Variants in DNAJC17 observed in about 807,000 individuals in gnomAD.
The protein encoded by DNAJC17 is DnaJ heat shock protein family (Hsp40) member C17.
DNAJC17 carries 35 observed loss-of-function variants against 48.1 expected under a neutral mutation model. That is an observed-to-expected ratio of 0.73 (90% CI 0.56 to 0.96). The LOEUF (loss-of-function observed/expected upper bound fraction) is 0.96, where lower values mean the gene tolerates loss of function less well. Among genes scored for constraint, DNAJC17 ranks in the 50% least tolerant of loss-of-function variants. The probability of loss-of-function intolerance (pLI) is 0.00; values close to 1 mark genes in which losing one functional copy is unlikely to be tolerated. For missense variants in DNAJC17, 355 were observed against 377.1 expected (o/e 0.94, Z 0.48); for synonymous variants, 117 against 142.7 (o/e 0.82, Z 1.28).
At chr15:40,772,926 C>T (rs1182762342) in intron 10 of DNAJC17, among the ~76,000 whole-genome samples, 1 of 152,090 alleles carries the variant, frequency 6.6e-6, no homozygotes, top group African/African-American at 2.4e-5. Flanking sequence ...GGGCAGGCAC[C>T]ACCCCGTGTC....
chr15:40,790,196 T>C (rs1161910853), intron 1 of DNAJC17, among the ~76,000 whole-genome samples: 1 of 152,152 alleles, frequency 6.6e-6, no homozygotes, highest in Non-Finnish European at 1.5e-5. Context: ...TGCGAGACTC[T>C]CTGGGGCCCA....
intron 1 of DNAJC17, among the ~76,000 whole-genome samples, chr15:40,799,848 C>T (rs1890033021): frequency 1.3e-5 from 2 of 152,062 alleles, no homozygotes; most frequent in Non-Finnish European, 2.9e-5. Flanking sequence ...CTCTCTCTCT[C>T]TTTTTACTTT....
chr15:40,770,733 C>T lies in DNAJC17; in HGVS notation c.793-2671G>A. The T allele has an allele frequency of 1.9e-6, 3 of 1,545,604 alleles. No homozygotes were observed. Among genetic ancestry groups the T allele is most frequent in the South Asian group, 1.2e-5 (1 of 84,060 alleles). The stretch of plus-strand genomic sequence containing the variant: ...GCCCCGGGCCACCCTGCTGGCCCCA[C>T]CCAAGCCCCCACGCCTCTACCGAGA... On this transcript the variant is annotated intron_variant, in intron 10 of 10. Coordinates refer to ENST00000220496, the MANE Select transcript of DNAJC17 (RefSeq NM_018163.3). The surrounding 1 kb of genome is among the most constrained non-coding windows in gnomAD (Gnocchi z 5.0).
rs1189516698 is a variant in DNAJC17, at chr15:40,767,600, A to G, written c.*340T>C. ...CGGGCCTGGGCCGAGGGCCTTGTGTAGGCCATGTTCCTCGGGCAGCTGCCC... is the reference window on the plus strand; with the variant it reads ...CGGGCCTGGGCCGAGGGCCTTGTGTGGGCCATGTTCCTCGGGCAGCTGCCC... On this transcript the variant is annotated 3_prime_UTR_variant, in exon 11 of 11. Coordinates refer to ENST00000220496, the MANE Select transcript of DNAJC17 (RefSeq NM_018163.3). 3.4e-6 allele frequency: 2 copies of G among 587,994 alleles called. No individual in the cohort carries two copies. Among genetic ancestry groups the G allele is most frequent in the Non-Finnish European group, 5.7e-6 (2 of 348,826 alleles). 36.4% of individuals were successfully genotyped at this position (587,994 alleles called of 1,614,324 possible). A position where few individuals can be genotyped will look rare whatever the true frequency, so the allele number is the denominator to read the frequency against.
chr15:40,783,361 G>A (rs1403589859), intron 1 of DNAJC17, among the ~76,000 whole-genome samples: 1 of 151,862 alleles, frequency 6.6e-6, no homozygotes, highest in Non-Finnish European at 1.5e-5. Context: ...CCTGGCCTCT[G>A]GGCCCCTCCT....
chr15:40,800,400 A>G (rs895347713), intron 1 of DNAJC17, among the ~76,000 whole-genome samples: 8 of 152,026 alleles, frequency 5.3e-5, no homozygotes, highest in African/African-American at 1.9e-4. Context: ...TTACCTAATG[A>G]CTAGTGAAGT....
In DNAJC17 at chr15:40,766,023, G is replaced by C. The variant is rs1360675514; in HGVS notation, c.*1917C>G. The C allele has an allele frequency of 1.9e-6, 1 of 522,546 alleles. No individual in the cohort carries two copies. Among genetic ancestry groups the C allele is most frequent in the Non-Finnish European group, 3.4e-6 (1 of 296,998 alleles). 32.4% of individuals were successfully genotyped at this position (522,546 alleles called of 1,614,324 possible). On this transcript the variant is annotated 3_prime_UTR_variant, in exon 11 of 11. Coordinates refer to ENST00000220496, the MANE Select transcript of DNAJC17 (RefSeq NM_018163.3). ...AGCCCAGGGACAGGGCCCAGCATCAGAGCCCCCTGCCTGCATCCTGGGGCT... is the reference window on the plus strand; with the variant it reads ...AGCCCAGGGACAGGGCCCAGCATCACAGCCCCCTGCCTGCATCCTGGGGCT...
intron 1 of DNAJC17, among the ~76,000 whole-genome samples, chr15:40,805,253 G>C (rs1890172938): frequency 6.6e-6 from 1 of 151,464 alleles, no homozygotes; most frequent in Non-Finnish European, 1.5e-5. Context: ...GCGGGTGCCT[G>C]TAATCCCAGC....
At chr15:40,780,768 C>T (rs1043695490) in intron 1 of DNAJC17, among the ~76,000 whole-genome samples, 1 of 150,836 alleles carries the variant, frequency 6.6e-6, no homozygotes, top group African/African-American at 2.4e-5. Flanking sequence ...GAGCCGAAAT[C>T]GCACCACTAC....
Position 40,774,200 on chromosome 15 carries a change from C to T in DNAJC17, c.681+156G>A, listed in dbSNP as rs542203586. 14 of 806,976 alleles carry T rather than the reference C, an allele frequency of 1.7e-5. No homozygotes were observed. In the South Asian group the frequency reaches 2.3e-4, roughly 13 times the overall value. The allele number at this position is 806,976 out of a possible 1,614,324, so 50.0% of individuals were successfully genotyped here. A position where few individuals can be genotyped will look rare whatever the true frequency, so the allele number is the denominator to read the frequency against. On this transcript the variant is annotated intron_variant, in intron 9 of 10. Coordinates refer to ENST00000220496, the MANE Select transcript of DNAJC17 (RefSeq NM_018163.3). ...CCTTCACACACGGTGCCTCTATTTC[C>T]AGGAGTCAGGGGCCCCTGGGAAGAG...
rs547831574 is a variant in DNAJC17, at chr15:40,801,272, T to C, written c.78+6097A>G. The stretch of plus-strand genomic sequence containing the variant: ...TGAGACAAATAATCACACAGATAAA[T>C]ACATAATTGCAAACTGAAATAAGTG... On this transcript the variant is annotated intron_variant, in intron 1 of 10. Coordinates refer to ENST00000220496, the MANE Select transcript of DNAJC17 (RefSeq NM_018163.3). Among the ~76,000 whole-genome samples, 9 of 152,066 alleles carry C rather than the reference T, an allele frequency of 5.9e-5. No homozygotes were observed. In the South Asian group the frequency reaches 1.9e-3, roughly 32 times the overall value.
In DNAJC17 at chr15:40,767,440, C is replaced by A; in HGVS notation, c.*500G>T. 7.2e-7 allele frequency: 1 copy of A among 1,386,934 alleles called. No individual in the cohort carries two copies. The highest frequency in any genetic ancestry group is 9.7e-7 in the Non-Finnish European group (1 of 1,033,108). The allele number at this position is 1,386,934 out of a possible 1,614,324, so 85.9% of individuals were successfully genotyped here. On this transcript the variant is annotated 3_prime_UTR_variant, in exon 11 of 11. Coordinates refer to ENST00000220496, the MANE Select transcript of DNAJC17 (RefSeq NM_018163.3). ...AGCTCCTGCCTCACCGTCTGCCTTG[C>A]TCCTCTCTTCCCAAATCATCACCGC...
chr15:40,777,882 T>C (rs1024914492), intron 4 of DNAJC17, among the ~76,000 whole-genome samples: 1 of 152,136 alleles, frequency 6.6e-6, no homozygotes, highest in Non-Finnish European at 1.5e-5. Flanking sequence ...CGAAAAATCA[T>C]TGAAGTGTAC....
At chr15:40,804,387 G>C (rs1890150290) in intron 1 of DNAJC17, among the ~76,000 whole-genome samples, 2 of 151,580 alleles carry the variant, frequency 1.3e-5, no homozygotes. Flanking sequence ...ACACCAGCCT[G>C]GGCAATATAG....
chr15:40,787,802 G>A (rs1889682890), intron 1 of DNAJC17, among the ~76,000 whole-genome samples: 1 of 152,108 alleles, frequency 6.6e-6, no homozygotes, highest in East Asian at 1.9e-4. Context: ...ATGGGGGAAG[G>A]AACTCCTGAC....
At chr15:40,789,682 G>A (rs1299372712) in intron 1 of DNAJC17, among the ~76,000 whole-genome samples, 1 of 151,806 alleles carries the variant, frequency 6.6e-6, no homozygotes, top group East Asian at 1.9e-4. Context: ...CCAGGGGGTA[G>A]AACTCCTTCC....
chr15:40,775,727 T>C, intron 6 of DNAJC17, 131 bp from the exon 7 acceptor site: 12 of 910,004 alleles, frequency 1.3e-5, no homozygotes, highest in Non-Finnish European at 2.1e-5. Context: ...TGCCCAGCTC[T>C]GGTGAGGGCC....
intron 6 of DNAJC17, 134 bp downstream of exon 6, chr15:40,776,062 A>G: frequency 1.4e-6 from 1 of 735,742 alleles, no homozygotes; most frequent in Non-Finnish European, 2.3e-6. Flanking sequence ...TGTCAGAGTA[A>G]GGTACCATAG....
intron 1 of DNAJC17, among the ~76,000 whole-genome samples, chr15:40,806,211 T>G (rs1302875466): frequency 7.0e-6 from 1 of 143,302 alleles, no homozygotes; most frequent in East Asian, 2.0e-4. Flanking sequence ...TGGGCACTAT[T>G]TTTTTTTCCT....
Sources: allele counts gnomAD v4.1 joint callset (sites outside exome capture counted in the v4.1 genomes callset), GRCh38; gene constraint gnomAD v4.1.1; non-coding constraint Gnocchi (gnomAD v3.1); transcripts MANE v1.5; gene names NCBI Gene and HGNC (gene_info 2026-07-23, HGNC 2026-07-21).